Variants in THSD4 observed in about 807,000 individuals in gnomAD.
The protein encoded by THSD4 is thrombospondin type-1 domain-containing protein 4.
A neutral mutation model predicts 119.0 loss-of-function variants in THSD4; 69 were observed. The observed-to-expected ratio is 0.58, with a 90% confidence interval of 0.48 to 0.71. The LOEUF is 0.71. Ranked by LOEUF, THSD4 falls within the 30% of genes least tolerant of loss-of-function variation. The pLI is 0.00. For synonymous variants in THSD4, 524 were observed against 540.4 expected, an observed-to-expected ratio of 0.97 and a Z score of 0.42; for missense variants, 1,393 against 1,391.1, an observed-to-expected ratio of 1.00 and a Z score of -0.02.
intron 7 of THSD4, among the ~76,000 whole-genome samples, chr15:71,659,314 A>T (rs1407733386): frequency 5.3e-5 from 8 of 152,228 alleles, no homozygotes; most frequent in Admixed American, 2.0e-4. Flanking sequence ...CATGAGTCCC[A>T]ATTTTAGATT....
intron 15 of THSD4, among the ~76,000 whole-genome samples, chr15:71,764,793 A>G (rs973582167): frequency 6.6e-6 from 1 of 152,258 alleles, no homozygotes; most frequent in African/African-American, 2.4e-5. Flanking sequence ...AGCATCCTCC[A>G]GGTATGACAA....
At chr15:71,594,944 C>G (rs985981719) in intron 7 of THSD4, among the ~76,000 whole-genome samples, 2 of 151,010 alleles carry the variant, frequency 1.3e-5, no homozygotes, top group African/African-American at 4.8e-5. Flanking sequence ...GACATCTGAG[C>G]TAGGTGTCAA....
intron 3 of THSD4, chr15:71,164,682 T>G (rs201223149): frequency 7.2e-4 from 1,092 of 1,523,430 alleles, no homozygotes; most frequent in Non-Finnish European, 9.1e-4. Context: ...AGCCTTACAT[T>G]TCAGTTTTTT....
At chr15:71,416,201 A>G (rs774428028) in intron 7 of THSD4, among the ~76,000 whole-genome samples, 1 of 152,212 alleles carries the variant, frequency 6.6e-6, no homozygotes, top group Non-Finnish European at 1.5e-5. Context: ...TTGTGTCTAA[A>G]TAGTACTTTA....
intron 8 of THSD4, among the ~76,000 whole-genome samples, chr15:71,697,267 A>C (rs1304028921): frequency 6.6e-6 from 1 of 152,204 alleles, no homozygotes; most frequent in African/African-American, 2.4e-5. Context: ...GAAGGGTGAG[A>C]TGATGTAATG....
At chr15:71,761,467 A>G (rs2053627078) in intron 15 of THSD4, among the ~76,000 whole-genome samples, 1 of 152,180 alleles carries the variant, frequency 6.6e-6, no homozygotes, top group Admixed American at 6.5e-5. Flanking sequence ...TTAAATTTTA[A>G]AATAGTTTTC....
intron 14 of THSD4, among the ~76,000 whole-genome samples, chr15:71,753,962 A>C (rs192340892): frequency 6.6e-5 from 10 of 152,150 alleles, no homozygotes; most frequent in Non-Finnish European, 1.5e-5. Flanking sequence ...ATGTATGTGC[A>C]TTACTTGGTT....
chr15:71,722,788 C>T (rs1318429421), intron 8 of THSD4, among the ~76,000 whole-genome samples: 2 of 152,128 alleles, frequency 1.3e-5, no homozygotes, highest in Admixed American at 6.5e-5. Flanking sequence ...ACATAAACCC[C>T]AGTTCCTGTC....
intron 8 of THSD4, among the ~76,000 whole-genome samples, chr15:71,698,702 A>G (rs1199583616): frequency 2.0e-5 from 3 of 148,924 alleles, no homozygotes; most frequent in Admixed American, 6.6e-5. Context: ...CCATTCGTCT[A>G]TACACACACA....
chr15:71,370,321 T>C (rs2046027001), intron 6 of THSD4, among the ~76,000 whole-genome samples: 1 of 152,220 alleles, frequency 6.6e-6, no homozygotes, highest in Non-Finnish European at 1.5e-5. Flanking sequence ...TGCCTTCTGC[T>C]AGCTTTTGAA....
rs368424121 is a variant in THSD4 at position 71,727,531 on chromosome 15, TA to T, written c.1358-995del. Among the ~76,000 whole-genome samples, 7 of 15,698 alleles carry T rather than the reference TA, an allele frequency of 4.5e-4. 1 individual carries two copies. The highest frequency in any genetic ancestry group is 2.1e-3 in the African/African-American group (7 of 3,278). 10.3% of individuals were successfully genotyped at this position (15,698 alleles called of 152,430 possible). The stretch of plus-strand genomic sequence containing the variant: ...GGCAACATGGCAAAACCCCATCTCT[TA>T]AAAAAAAAAAAAAAAAAAAAAATAT... On this transcript the variant is annotated intron_variant, in intron 8 of 17. Transcript: ENST00000261862.
intron 7 of THSD4, among the ~76,000 whole-genome samples, chr15:71,502,122 G>C (rs2048121053): frequency 6.6e-6 from 1 of 152,232 alleles, no homozygotes; most frequent in South Asian, 2.1e-4. Flanking sequence ...TGTGGGAACT[G>C]GACCTTAATT....
intron 8 of THSD4, among the ~76,000 whole-genome samples, chr15:71,713,987 G>C (rs2052561396): frequency 6.6e-6 from 1 of 152,082 alleles, no homozygotes; most frequent in African/African-American, 2.4e-5. Flanking sequence ...GTGAGCCATA[G>C]AACAAGACAA....
chr15:71,213,304 G>T (rs1467236585), intron 3 of THSD4, among the ~76,000 whole-genome samples: 2 of 152,162 alleles, frequency 1.3e-5, no homozygotes. Context: ...CTTGTCATTG[G>T]ATTTAGGGTC....
At chr15:71,284,419 C>T (rs1319847101) in intron 6 of THSD4, among the ~76,000 whole-genome samples, 1 of 152,138 alleles carries the variant, frequency 6.6e-6, no homozygotes, top group Non-Finnish European at 1.5e-5. Flanking sequence ...GGGAGATATT[C>T]AGCATGTTGC....
At chr15:71,675,004 TTGAA>T (rs2051610640) in intron 8 of THSD4, among the ~76,000 whole-genome samples, 2 of 152,216 alleles carry the variant, frequency 1.3e-5, no homozygotes, top group South Asian at 4.1e-4. Flanking sequence ...AAGGTTTTCT[TTGAA>T]TGACCGTTTT....
chr15:71,106,388 G>A (rs1380348752), intron 1 of THSD4, among the ~76,000 whole-genome samples: 2 of 152,048 alleles, frequency 1.3e-5, no homozygotes, highest in Admixed American at 6.5e-5. Flanking sequence ...ACACAGATTG[G>A]CCTTTATCTC....
Position 71,206,303 on chromosome 15 carries a change from C to T in THSD4, c.100-8732C>T, listed in dbSNP as rs184224133. Among the ~76,000 whole-genome samples, 1,068 of 152,254 alleles carry T rather than the reference C, an allele frequency of 7.0e-3. 11 individuals carry two copies. The highest frequency in any genetic ancestry group is 0.017 in the Middle Eastern group (5 of 294). On this transcript the variant is annotated intron_variant, in intron 3 of 17. Coordinates refer to ENST00000261862, the MANE Select transcript of THSD4 (RefSeq NM_024817.3). ...CTGGGATTACAGGCATGAGCCACCG[C>T]GCCCGGCCACGTTTGGAGATTCTCT... is the stretch of plus-strand genomic sequence containing the variant.
At chr15:71,149,218 G>T (rs1295583852) in intron 2 of THSD4, among the ~76,000 whole-genome samples, 4 of 151,774 alleles carry the variant, frequency 2.6e-5, no homozygotes, top group Non-Finnish European at 5.9e-5. Flanking sequence ...AGAGGGCTGA[G>T]CTGAGCATAG....
Sources: allele counts gnomAD v4.1 joint callset (sites outside exome capture counted in the v4.1 genomes callset), GRCh38; gene constraint gnomAD v4.1.1; transcripts MANE v1.5; gene names NCBI Gene and HGNC (gene_info 2026-07-23, HGNC 2026-07-21).